The following DYM variants were observed in gnomAD, a reference collection of about 807,000 sequenced individuals.
DYM encodes dymeclin.
DYM carries 78 observed loss-of-function variants against 93.1 expected under a neutral mutation model. The ratio of observed to expected loss-of-function variants is 0.84; its 90% CI spans 0.70 to 1.01. The LOEUF is 1.01. Ranked by LOEUF, DYM falls within the 50% of genes least tolerant of loss-of-function variation. The pLI, the probability that DYM is intolerant of heterozygous loss-of-function variation, is 0.00. For missense variants in DYM, 789 were observed against 845.0 expected (o/e 0.93, Z 0.82); for synonymous variants, 321 against 319.7 (o/e 1.00, Z -0.04).
At chr18:49,257,141 G>A (rs1334325076) in intron 12 of DYM, 37 bp from the exon 13 acceptor site, 1 of 1,489,318 alleles carries the variant, frequency 6.7e-7, no homozygotes, top group Non-Finnish European at 9.4e-7. Flanking sequence ...ATACAATCAA[G>A]TCTTCTCTAT....
intron 17 of DYM, among the ~76,000 whole-genome samples, chr18:49,085,468 C>T (rs981423912): frequency 6.6e-6 from 1 of 152,082 alleles, no homozygotes; most frequent in Non-Finnish European, 1.5e-5. Flanking sequence ...GTAGAACATG[C>T]TGGGAGTGAT....
At chr18:49,200,331 A>G (rs2091888767) in intron 14 of DYM, among the ~76,000 whole-genome samples, 1 of 152,030 alleles carries the variant, frequency 6.6e-6, no homozygotes, top group African/African-American at 2.4e-5. Context: ...AGCTATTTTT[A>G]TACATTATCT....
intron 8 of DYM, among the ~76,000 whole-genome samples, chr18:49,297,110 G>A (rs1048220480): frequency 2.0e-5 from 3 of 152,130 alleles, no homozygotes; most frequent in Non-Finnish European, 2.9e-5. Flanking sequence ...TCTAAATATA[G>A]GTGTCAATTG....
chr18:49,335,812 CT>C (rs35594525), intron 6 of DYM, among the ~76,000 whole-genome samples: 50 of 147,142 alleles, frequency 3.4e-4, no homozygotes, highest in Non-Finnish European at 3.5e-4. Context: ...CGTTTTCTGT[CT>C]TTTTTTTTTT....
Position 49,289,712 on chromosome 18 carries a change from A to AAT in DYM, c.764-3098_764-3097dup, listed in dbSNP as rs1236757838. Among the ~76,000 whole-genome samples, 79 of 112,698 alleles carry AAT rather than the reference A, an allele frequency of 7.0e-4. 1 individual carries two copies. Among genetic ancestry groups the AAT allele is most frequent in the African/African-American group, 1.8e-3 (51 of 28,384 alleles). The allele number at this position is 112,698 out of a possible 152,430, so 73.9% of individuals were successfully genotyped here. ...GGCAACAGAATAAGCCCCTATCTCA[A>AAT]ATATATATATATGTGTATATATATA... On this transcript the variant is annotated intron_variant, in intron 8 of 17. Transcript: ENST00000675505.
intron 15 of DYM, among the ~76,000 whole-genome samples, chr18:49,156,136 T>C (rs567732196): frequency 6.6e-6 from 1 of 152,230 alleles, no homozygotes. Context: ...ATTTCCTTAA[T>C]AGCCAATGAT....
At chr18:49,133,840 G>A (rs2083588338) in intron 15 of DYM, among the ~76,000 whole-genome samples, 1 of 152,164 alleles carries the variant, frequency 6.6e-6, no homozygotes, top group Non-Finnish European at 1.5e-5. Context: ...AGTTATATCT[G>A]CAAAGTCCTT....
intron 17 of DYM, among the ~76,000 whole-genome samples, chr18:49,089,091 C>G (rs1306880139): frequency 6.6e-6 from 1 of 152,152 alleles, no homozygotes; most frequent in East Asian, 1.9e-4. Flanking sequence ...AGTCACTGCA[C>G]CTGGCTCCAA....
At chr18:49,188,144 G>A (rs576364298) in intron 14 of DYM, among the ~76,000 whole-genome samples, 30 of 152,244 alleles carry the variant, frequency 2.0e-4, no homozygotes, top group African/African-American at 6.0e-4. Context: ...CATTTTAAGC[G>A]TTCATTTGGC....
intron 2 of DYM, among the ~76,000 whole-genome samples, chr18:49,394,815 A>G (rs564742498): frequency 6.6e-6 from 1 of 152,224 alleles, no homozygotes; most frequent in East Asian, 1.9e-4. Context: ...TCTTTTCCAG[A>G]TAGTTCAACA....
intron 15 of DYM, among the ~76,000 whole-genome samples, chr18:49,142,825 C>G (rs1407358568): frequency 6.6e-6 from 1 of 152,162 alleles, no homozygotes; most frequent in Non-Finnish European, 1.5e-5. Context: ...AACTTATCAT[C>G]CCCCTAATAG....
At chr18:49,291,253 C>G (rs529472353) in intron 8 of DYM, among the ~76,000 whole-genome samples, 1 of 152,084 alleles carries the variant, frequency 6.6e-6, no homozygotes, top group African/African-American at 2.4e-5. Context: ...TTGTTTCTGC[C>G]GAACTAACAC....
At chr18:49,245,581 T>C (rs915014237) in intron 13 of DYM, among the ~76,000 whole-genome samples, 1 of 152,204 alleles carries the variant, frequency 6.6e-6, no homozygotes, top group Non-Finnish European at 1.5e-5. Flanking sequence ...TCCAGCCTGG[T>C]AAATTCTAAT....
chr18:49,425,151 A>G (rs1427492354), intron 2 of DYM, among the ~76,000 whole-genome samples: 1 of 152,208 alleles, frequency 6.6e-6, no homozygotes, highest in African/African-American at 2.4e-5. Flanking sequence ...CTATACTACA[A>G]GGCTACAGTA....
intron 17 of DYM, among the ~76,000 whole-genome samples, chr18:49,079,992 C>A (rs1017261603): frequency 8.0e-5 from 12 of 149,632 alleles, no homozygotes; most frequent in Non-Finnish European, 1.6e-4. Context: ...CGGGCAGAGG[C>A]GCCCCTCACC....
At chr18:49,232,266 C>T (rs1669433821) in intron 13 of DYM, among the ~76,000 whole-genome samples, 1 of 151,682 alleles carries the variant, frequency 6.6e-6, no homozygotes, top group Non-Finnish European at 1.5e-5. Context: ...TACGGAAATT[C>T]TACTTGATTG....
intron 14 of DYM, among the ~76,000 whole-genome samples, chr18:49,187,797 A>G (rs2090593384): frequency 1.3e-5 from 2 of 152,232 alleles, no homozygotes; most frequent in South Asian, 4.1e-4. Flanking sequence ...GTACAAAATC[A>G]GAGACTATCA....
intron 6 of DYM, among the ~76,000 whole-genome samples, chr18:49,340,865 G>A (rs2064061149): frequency 6.6e-6 from 1 of 152,136 alleles, no homozygotes; most frequent in African/African-American, 2.4e-5. Context: ...CACTTAAAAT[G>A]GGTAAGAAAA....
intron 17 of DYM, among the ~76,000 whole-genome samples, chr18:49,053,547 C>A (rs951544571): frequency 6.6e-6 from 1 of 152,142 alleles, no homozygotes. Context: ...AGACCAGTAA[C>A]TGTTGGCAGA....
Sources: allele counts gnomAD v4.1 joint callset (sites outside exome capture counted in the v4.1 genomes callset), GRCh38; gene constraint gnomAD v4.1.1; transcripts MANE v1.5; gene names NCBI Gene and HGNC (gene_info 2026-07-23, HGNC 2026-07-21).